Variants in GPX6 observed in about 807,000 individuals in gnomAD.
The protein encoded by GPX6 is glutathione peroxidase 6 (olfactory).
GPX6 carries 21 observed loss-of-function variants against 20.0 expected under a neutral mutation model. That is an observed-to-expected ratio of 1.05 (90% CI 0.74 to 1.51). The LOEUF is 1.51. Among genes scored for constraint, GPX6 ranks in the 40% most tolerant of loss-of-function variants. The pLI is 0.00. For synonymous variants in GPX6, 75 were observed against 98.0 expected (o/e 0.77, Z 1.38); for missense variants, 233 against 254.7 (o/e 0.91, Z 0.58).
chr6:28,512,719 C>G (rs1030585507), intron 1 of GPX6, among the ~76,000 whole-genome samples: 2 of 152,202 alleles, frequency 1.3e-5, no homozygotes, highest in African/African-American at 4.8e-5. Flanking sequence ...TTGGGGTCCA[C>G]ACTGCCTTTA....
chr6:28,513,098 C>G (rs1013702061), intron 1 of GPX6, among the ~76,000 whole-genome samples: 4 of 152,210 alleles, frequency 2.6e-5, no homozygotes, highest in African/African-American at 9.7e-5. Flanking sequence ...TTTGGCCGGG[C>G]TCCAGGGAAA....
intron 2 of GPX6, 42 bp from the exon 3 acceptor site, chr6:28,506,471 G>A: frequency 9.0e-7 from 1 of 1,107,836 alleles, no homozygotes; most frequent in Non-Finnish European, 1.4e-6. Flanking sequence ...CTGGTCAGGA[G>A]GCCTACCTCA....
At position 28,510,822 on chromosome 6, in the gene GPX6, T is replaced by G. The variant is rs772680263; in HGVS notation, c.170A>C (p.Lys57Thr). ...CAGGACGTGCTTGCCTGCAAACTGCTTGAATTGGATGTACTCCTCGCCGTT... is the reference window on the plus strand; with the variant it reads ...CAGGACGTGCTTGCCTGCAAACTGCGTGAATTGGATGTACTCCTCGCCGTT... ...TLNGEEYIQFKQFAGKHVLFV... is the reference protein window; with the variant it reads ...TLNGEEYIQFTQFAGKHVLFV... The change falls in exon 2 of 5, where the codon AAG becomes ACG. Residue 57 changes from lysine (K) to threonine (T), a missense_variant. By Grantham distance (78) the Lys-to-Thr change is moderately conservative. Transcript: ENST00000361902. The G allele has an allele frequency of 6.2e-7, 1 of 1,614,150 alleles. No individual in the cohort carries two copies. The highest frequency in any genetic ancestry group is 2.2e-5 in the East Asian group (1 of 44,876).
intron 1 of GPX6, among the ~76,000 whole-genome samples, chr6:28,513,941 G>C (rs968792119): frequency 3.9e-5 from 6 of 152,144 alleles, no homozygotes; most frequent in African/African-American, 1.4e-4. Flanking sequence ...CTTGACCAAG[G>C]GGCAAGCCCT....
At chr6:28,514,529 A>G (rs1762989651) in intron 1 of GPX6, among the ~76,000 whole-genome samples, 1 of 152,210 alleles carries the variant, frequency 6.6e-6, no homozygotes, top group African/African-American at 2.4e-5. Flanking sequence ...AAGCTGTCTT[A>G]TGGCTTGTAA....
At chr6:28,510,018 T>A (rs887731235) in intron 2 of GPX6, among the ~76,000 whole-genome samples, 1 of 152,234 alleles carries the variant, frequency 6.6e-6, no homozygotes, top group African/African-American at 2.4e-5. Flanking sequence ...GAAAGCCAGG[T>A]ATCTGGCCTG....
intron 3 of GPX6, 123 bp downstream of exon 3, chr6:28,506,189 G>A (rs187417278): frequency 1.4e-6 from 1 of 705,514 alleles, no homozygotes; most frequent in African/African-American, 1.8e-5. Flanking sequence ...ACATCATAAG[G>A]ATATGCTTCA....
At chr6:28,507,644 A>G (rs1204140238) in intron 2 of GPX6, among the ~76,000 whole-genome samples, 2 of 152,238 alleles carry the variant, frequency 1.3e-5, no homozygotes, top group Non-Finnish European at 2.9e-5. Flanking sequence ...AGCTCACTGC[A>G]ATCTCCGCCT....
chr6:28,513,534 T>G (rs905662988), intron 1 of GPX6, among the ~76,000 whole-genome samples: 1 of 152,178 alleles, frequency 6.6e-6, no homozygotes, highest in Non-Finnish European at 1.5e-5. Context: ...CCTTGAAAAC[T>G]CATCCTTGGC....
intron 2 of GPX6, among the ~76,000 whole-genome samples, chr6:28,508,743 G>A (rs903149757): frequency 2.6e-5 from 4 of 152,098 alleles, no homozygotes; most frequent in Non-Finnish European, 4.4e-5. Context: ...AGAGGCAGAG[G>A]TTACAGTGAG....
In GPX6 at chr6:28,505,416, C is replaced by T. The variant is rs1762798242; in HGVS notation, c.459+287G>A. 3.3e-5 allele frequency among the ~76,000 whole-genome samples: 5 copies of T among 152,318 alleles called. No homozygotes were observed. In the South Asian group the frequency reaches 1.0e-3, roughly 32 times the overall value. On this transcript the variant is annotated intron_variant, in intron 4 of 4. Transcript: ENST00000361902. ...GTTCCTTCAGGGAACAGACTATGCG[C>T]TATTAATGTTTGTTAACTCATATAG...
At chr6:28,504,593 A>C in intron 4 of GPX6, 95 bp from the exon 5 acceptor site, 1 of 1,057,460 alleles carries the variant, frequency 9.5e-7, no homozygotes, top group Non-Finnish European at 1.4e-6. Context: ...TAGAGAGTCT[A>C]CTCACCATTA....
rs1390685988 is a variant in GPX6 at position 28,503,782 on chromosome 6, C to G, written c.*510G>C. The G allele has an allele frequency of 6.5e-6, 1 of 153,744 alleles. No homozygotes were observed. Among genetic ancestry groups the G allele is most frequent in the African/African-American group, 2.4e-5 (1 of 41,414 alleles). The allele number at this position is 153,744 out of a possible 1,614,324, so 9.5% of individuals were successfully genotyped here. On this transcript the variant is annotated 3_prime_UTR_variant, in exon 5 of 5. Transcript: ENST00000361902. ...GAGAATTAAGGAGAAAAGAGTTTAA[C>G]AATGCATGCCTATCTTAGAGGAGAG...
Position 28,515,574 on chromosome 6 carries a change from G to C in GPX6, c.87+83C>G, listed in dbSNP as rs1260736498. The C allele has an allele frequency of 5.3e-6, 5 of 951,650 alleles. No individual in the cohort carries two copies. In the African/African-American group the frequency reaches 6.6e-5, roughly 12 times the overall value. 59.0% of individuals were successfully genotyped at this position (951,650 alleles called of 1,614,324 possible). A position where few individuals can be genotyped will look rare whatever the true frequency, so the allele number is the denominator to read the frequency against. ...GCAGATCTTGTCCTTCGAAAGGGGA[G>C]AGTAGAGAACTCCTTGCAACTCTGG... is the stretch of plus-strand genomic sequence containing the variant. On this transcript the variant is annotated intron_variant, in intron 1 of 4. Transcript: ENST00000361902.
At chr6:28,510,961 T>G (rs1426136037) in intron 1 of GPX6, 57 bp from the exon 2 acceptor site, 1 of 1,478,968 alleles carries the variant, frequency 6.8e-7, no homozygotes, top group African/African-American at 1.4e-5. Flanking sequence ...TTCCCAACAT[T>G]TGTGGACTTT....
intron 1 of GPX6, among the ~76,000 whole-genome samples, chr6:28,511,618 A>G (rs1762876064): frequency 6.6e-6 from 1 of 152,242 alleles, no homozygotes; most frequent in Admixed American, 6.5e-5. Context: ...GGAGGAACAC[A>G]CTCAACTGGC....
chr6:28,507,792 C>T (rs1485976084), intron 2 of GPX6, among the ~76,000 whole-genome samples: 1 of 152,196 alleles, frequency 6.6e-6, no homozygotes. Context: ...TCTGAAACTC[C>T]TGATGTTCAA....
chr6:28,508,218 G>C (rs1418487042), intron 2 of GPX6, among the ~76,000 whole-genome samples: 4 of 152,124 alleles, frequency 2.6e-5, no homozygotes, highest in Non-Finnish European at 5.9e-5. Flanking sequence ...ACATTCCATG[G>C]AACTGCGTTT....
At chr6:28,512,220 G>A (rs1385323117) in intron 1 of GPX6, among the ~76,000 whole-genome samples, 2 of 152,266 alleles carry the variant, frequency 1.3e-5, no homozygotes, top group African/African-American at 4.8e-5. Flanking sequence ...GCCGTGGTGC[G>A]GCATCCACTG....
Sources: gnomAD v4.1 joint callset for allele counts (sites outside exome capture counted in the v4.1 genomes callset) on GRCh38, gnomAD v4.1.1 for gene constraint, MANE v1.5 for transcripts, NCBI Gene and HGNC (gene_info 2026-07-23, HGNC 2026-07-21) for gene names.